The following ENOX1 variants were observed in gnomAD, a reference collection of about 807,000 sequenced individuals.
ENOX1 encodes ecto-NOX disulfide-thiol exchanger 1.
In ENOX1, 42 loss-of-function variants were observed where a neutral mutation model predicts 82.5. That is an observed-to-expected ratio of 0.51 (90% CI 0.40 to 0.66). The LOEUF (loss-of-function observed/expected upper bound fraction) is 0.66, where lower values mean the gene tolerates loss of function less well. Among genes scored for constraint, ENOX1 ranks in the 30% least tolerant of loss-of-function variants. The pLI, the probability that ENOX1 is intolerant of heterozygous loss-of-function variation, is 0.00. For synonymous variants in ENOX1, 271 were observed against 282.2 expected (o/e 0.96, Z 0.40); for missense variants, 608 against 811.6 (o/e 0.75, Z 3.05).
At chr13:43,569,701 C>T (rs2080087523) in intron 2 of ENOX1, among the ~76,000 whole-genome samples, 1 of 152,150 alleles carries the variant, frequency 6.6e-6, no homozygotes, top group Admixed American at 6.5e-5. Context: ...CTGGTCCCTG[C>T]TGTTTTGCTC....
intron 2 of ENOX1, among the ~76,000 whole-genome samples, chr13:43,558,063 T>C (rs917088544): frequency 1.3e-5 from 2 of 152,138 alleles, no homozygotes; most frequent in Admixed American, 6.5e-5. Context: ...AGCTGCACCA[T>C]GAGTACATGC....
intron 1 of ENOX1, among the ~76,000 whole-genome samples, chr13:43,750,296 G>A (rs1243340906): frequency 5.3e-5 from 8 of 152,178 alleles, no homozygotes; most frequent in Non-Finnish European, 8.8e-5. Context: ...GTGCAGATGT[G>A]ATCATTAGAA....
At chr13:43,570,970 C>T (rs562908742) in intron 2 of ENOX1, among the ~76,000 whole-genome samples, 8 of 152,196 alleles carry the variant, frequency 5.3e-5, no homozygotes, top group African/African-American at 9.6e-5. Context: ...GGGGAAAGAA[C>T]ATCAACTCCA....
In ENOX1 at chr13:43,650,049, C is replaced by T. The variant is rs560047663; in HGVS notation, c.-219+17430G>A. Among the ~76,000 whole-genome samples, 47 of 152,298 alleles carry T rather than the reference C, an allele frequency of 3.1e-4. 1 individual carries two copies. Among genetic ancestry groups the T allele is most frequent in the Admixed American group, 2.9e-3 (45 of 15,296 alleles). On this transcript the variant is annotated intron_variant, in intron 2 of 16. Transcript: ENST00000690772. Reference sequence around the variant, plus strand: ...CAGTCACCATCAACACCTCTGACAACGTTCTCACGGAAGACAACTTCTTCT... The same window carrying T: ...CAGTCACCATCAACACCTCTGACAATGTTCTCACGGAAGACAACTTCTTCT...
chr13:43,351,485 T>C (rs543510978), intron 8 of ENOX1, among the ~76,000 whole-genome samples: 1 of 149,942 alleles, frequency 6.7e-6, no homozygotes, highest in East Asian at 1.9e-4. Flanking sequence ...TGCAGGTTAG[T>C]TACATATGTA....
At chr13:43,650,958 TCC>T (rs1399369997) in intron 2 of ENOX1, among the ~76,000 whole-genome samples, 1 of 152,152 alleles carries the variant, frequency 6.6e-6, no homozygotes, top group Non-Finnish European at 1.5e-5. Context: ...TTTTGGGGAA[TCC>T]TAAGCTATAA....
chr13:43,354,565 T>C (rs2050027133), intron 8 of ENOX1, among the ~76,000 whole-genome samples: 1 of 151,588 alleles, frequency 6.6e-6, no homozygotes, highest in African/African-American at 2.4e-5. Context: ...AGTGAAAACA[T>C]CCAATCCACT....
intron 14 of ENOX1, among the ~76,000 whole-genome samples, chr13:43,250,410 C>T (rs910871722): frequency 3.9e-5 from 6 of 152,184 alleles, no homozygotes; most frequent in African/African-American, 1.4e-4. Flanking sequence ...CTCTGTGATC[C>T]AATGTGCTCC....
At chr13:43,523,145 T>C (rs755864225) in intron 2 of ENOX1, among the ~76,000 whole-genome samples, 4 of 152,160 alleles carry the variant, frequency 2.6e-5, no homozygotes, top group Non-Finnish European at 4.4e-5. Flanking sequence ...TTCAAAGATA[T>C]CTACTTCTGT....
chr13:43,507,853 G>C (rs954085305), intron 2 of ENOX1, among the ~76,000 whole-genome samples: 1 of 151,884 alleles, frequency 6.6e-6, no homozygotes, highest in African/African-American at 2.4e-5. Context: ...AAAGCAATTA[G>C]AAACTCTAGG....
chr13:43,408,020 G>A (rs1407441533), intron 5 of ENOX1, among the ~76,000 whole-genome samples: 1 of 152,210 alleles, frequency 6.6e-6, no homozygotes, highest in African/African-American at 2.4e-5. Context: ...GTATATTTGG[G>A]ATAAAAGGAA....
chr13:43,565,771 A>G (rs1392960041), intron 2 of ENOX1, among the ~76,000 whole-genome samples: 1 of 152,190 alleles, frequency 6.6e-6, no homozygotes, highest in African/African-American at 2.4e-5. Context: ...TGTATAAATC[A>G]AGACCAGGAA....
intron 1 of ENOX1, among the ~76,000 whole-genome samples, chr13:43,732,634 C>T (rs1012331559): frequency 6.6e-6 from 1 of 152,178 alleles, no homozygotes; most frequent in African/African-American, 2.4e-5. Flanking sequence ...AGACAATGCA[C>T]AATTACGTCA....
intron 5 of ENOX1, among the ~76,000 whole-genome samples, chr13:43,385,995 A>G (rs2052388150): frequency 6.6e-6 from 1 of 152,106 alleles, no homozygotes; most frequent in South Asian, 2.1e-4. Context: ...GTGAAACCCC[A>G]TCTCTACTAA....
intron 2 of ENOX1, among the ~76,000 whole-genome samples, chr13:43,516,664 C>G (rs1213571115): frequency 2.6e-5 from 4 of 152,132 alleles, no homozygotes; most frequent in Admixed American, 1.3e-4. Context: ...GCTCCCGCTT[C>G]TGGAAAACTC....
intron 2 of ENOX1, among the ~76,000 whole-genome samples, chr13:43,651,260 G>A (rs187405956): frequency 6.6e-6 from 1 of 152,264 alleles, no homozygotes; most frequent in East Asian, 1.9e-4. Flanking sequence ...AAAAGGAAGA[G>A]GGGGAGGGAA....
At chr13:43,785,608 G>A (rs1594790775) in intron 1 of ENOX1, among the ~76,000 whole-genome samples, 1 of 152,300 alleles carries the variant, frequency 6.6e-6, no homozygotes, top group East Asian at 1.9e-4. Context: ...GAGAAAAGGA[G>A]AGAAGCAGGA....
At chr13:43,564,610 T>G (rs984308437) in intron 2 of ENOX1, among the ~76,000 whole-genome samples, 2 of 152,120 alleles carry the variant, frequency 1.3e-5, no homozygotes, top group Non-Finnish European at 2.9e-5. Flanking sequence ...TGTGACTGGA[T>G]AGTAGGAGAG....
intron 5 of ENOX1, among the ~76,000 whole-genome samples, chr13:43,407,510 T>C (rs9525770): frequency 0.2 from 29,785 of 152,030 alleles, 3,531 homozygotes; most frequent in East Asian, 0.51. Flanking sequence ...CGATGGTGGT[T>C]TGCTGTACCT....
Sources: allele counts gnomAD v4.1 joint callset (sites outside exome capture counted in the v4.1 genomes callset), GRCh38; gene constraint gnomAD v4.1.1; transcripts MANE v1.5; gene names NCBI Gene and HGNC (gene_info 2026-07-23, HGNC 2026-07-21).